The following XKR4 variants were observed in gnomAD, a reference collection of about 807,000 sequenced individuals.
The protein encoded by XKR4 is XK related 4.
In XKR4, 12 loss-of-function variants were observed where a neutral mutation model predicts 53.9. The ratio of observed to expected loss-of-function variants is 0.22; its 90% CI spans 0.14 to 0.36. The LOEUF is 0.36. Among genes scored for constraint, XKR4 ranks in the 10% least tolerant of loss-of-function variants. The probability of loss-of-function intolerance (pLI) is 1.00; values close to 1 mark genes in which losing one functional copy is unlikely to be tolerated. For synonymous variants in XKR4, 354 were observed against 362.4 expected (o/e 0.98, Z 0.26); for missense variants, 799 against 859.5 (o/e 0.93, Z 0.88).
chr8:55,405,182 C>T (rs968142309), intron 2 of XKR4, among the ~76,000 whole-genome samples: 5 of 152,180 alleles, frequency 3.3e-5, no homozygotes, highest in African/African-American at 1.2e-4. Flanking sequence ...CCCTCCCATC[C>T]TCTGTGGAAG....
chr8:55,163,614 G>T (rs1157384212), intron 1 of XKR4, among the ~76,000 whole-genome samples: 1 of 152,134 alleles, frequency 6.6e-6, no homozygotes, highest in Non-Finnish European at 1.5e-5. Context: ...GGGAGGCTGG[G>T]GTGGGCTGAT....
chr8:55,342,323 A>G (rs1803561235), intron 1 of XKR4, among the ~76,000 whole-genome samples: 1 of 152,030 alleles, frequency 6.6e-6, no homozygotes, highest in African/African-American at 2.4e-5. Flanking sequence ...GCAGGTCCTA[A>G]CAACCATCAT....
At position 55,365,845 on chromosome 8, in the gene XKR4, G is replaced by C. The variant is rs116357215; in HGVS notation, c.1006+7968G>C. Among the ~76,000 whole-genome samples the C allele has an allele frequency of 2.8e-3, 420 of 152,308 alleles. 2 individuals are homozygous for C. Among genetic ancestry groups the C allele is most frequent in the African/African-American group, 9.5e-3 (395 of 41,564 alleles). On this transcript the variant is annotated intron_variant, in intron 2 of 2. Transcript: ENST00000327381. Reference sequence around the variant, plus strand: ...GAAGAAGCTCTTATCTGTAGGGCTAGAGGACTGAAGGAAGAGGGCTCAGAC... The same window carrying C: ...GAAGAAGCTCTTATCTGTAGGGCTACAGGACTGAAGGAAGAGGGCTCAGAC...
At chr8:55,206,580 G>GA (rs920433764) in intron 1 of XKR4, among the ~76,000 whole-genome samples, 19 of 151,828 alleles carry the variant, frequency 1.3e-4, no homozygotes, top group Non-Finnish European at 2.4e-4. Context: ...AGCCAGAGAT[G>GA]AAAAAAAATA....
At chr8:55,265,737 T>TG (rs1175418493) in intron 1 of XKR4, among the ~76,000 whole-genome samples, 23 of 151,710 alleles carry the variant, frequency 1.5e-4, no homozygotes, top group African/African-American at 4.4e-4. Flanking sequence ...CCCAGCATTT[T>TG]GGGGGGGTCA....
At chr8:55,309,514 G>C (rs1029909392) in intron 1 of XKR4, among the ~76,000 whole-genome samples, 1 of 152,142 alleles carries the variant, frequency 6.6e-6, no homozygotes, top group Admixed American at 6.6e-5. Context: ...TGGTGTATAC[G>C]TGAACATAAA....
At chr8:55,470,780 C>T (rs1294438239) in intron 2 of XKR4, among the ~76,000 whole-genome samples, 1 of 152,102 alleles carries the variant, frequency 6.6e-6, no homozygotes, top group Admixed American at 6.5e-5. Context: ...CTACTGATCA[C>T]TTTCTATGAT....
At position 55,196,414 on chromosome 8, in the gene XKR4, C is replaced by T. The variant is rs186850493; in HGVS notation, c.806+93120C>T. 2.1e-3 allele frequency among the ~76,000 whole-genome samples: 325 copies of T among 152,194 alleles called. 1 individual carries two copies. Among genetic ancestry groups the T allele is most frequent in the African/African-American group, 7.3e-3 (304 of 41,520 alleles). The stretch of plus-strand genomic sequence containing the variant: ...GTCAGGCTGGTCTTGAACTCCTGGC[C>T]TCAGGTGATCTGCCCGCCTCAGCCT... On this transcript the variant is annotated intron_variant, in intron 1 of 2. Transcript: ENST00000327381.
chr8:55,451,155 T>TCGGGGGC (rs1805435500), intron 2 of XKR4: 1 of 528,180 alleles, frequency 1.9e-6, no homozygotes, highest in Non-Finnish European at 3.4e-6. Flanking sequence ...GAAGCCCGGG[T>TCGGGGGC]CGGGGGCCGG....
In XKR4 at chr8:55,375,957, C is replaced by T. The variant is rs151200888; in HGVS notation, c.1006+18080C>T. Among the ~76,000 whole-genome samples, 64 of 152,278 alleles carry T rather than the reference C, an allele frequency of 4.2e-4. 1 individual carries two copies. In the East Asian group the frequency reaches 0.012, roughly 28 times the overall value. On this transcript the variant is annotated intron_variant, in intron 2 of 2. Coordinates refer to ENST00000327381, the MANE Select transcript of XKR4 (RefSeq NM_052898.2). ...ACGTGTTCTCATTGTTCAGCTCCCA[C>T]TTATAAGTGAGAACATGCGGTGTTT...
chr8:55,450,329 C>T, intron 2 of XKR4: 1 of 724,214 alleles, frequency 1.4e-6, no homozygotes, highest in Non-Finnish European at 2.3e-6. Context: ...GCGCAGAAGT[C>T]CTACACTTTC....
At chr8:55,188,004 CT>C (rs1817400927) in intron 1 of XKR4, among the ~76,000 whole-genome samples, 1 of 151,896 alleles carries the variant, frequency 6.6e-6, no homozygotes, top group Non-Finnish European at 1.5e-5. Flanking sequence ...CCTTTTTTGC[CT>C]TTTCCAATGA....
intron 1 of XKR4, among the ~76,000 whole-genome samples, chr8:55,199,014 A>G (rs1817538931): frequency 6.6e-6 from 1 of 152,224 alleles, no homozygotes. Flanking sequence ...GCTCACGTAT[A>G]AGGAAGTGAT....
At chr8:55,415,905 G>A (rs7011423) in intron 2 of XKR4, among the ~76,000 whole-genome samples, 18,101 of 152,146 alleles carry the variant, frequency 0.12, 2,816 homozygotes, top group African/African-American at 0.36. Context: ...TATGGTATAT[G>A]GATGCCCTCA....
At chr8:55,469,420 T>C (rs1805838418) in intron 2 of XKR4, among the ~76,000 whole-genome samples, 1 of 152,132 alleles carries the variant, frequency 6.6e-6, no homozygotes, top group African/African-American at 2.4e-5. Flanking sequence ...ATTTCCTCAT[T>C]ACACACTATA....
chr8:55,451,703 C>T, intron 2 of XKR4: 5 of 1,357,184 alleles, frequency 3.7e-6, no homozygotes, highest in South Asian at 1.2e-5. Flanking sequence ...CGGTAGATGG[C>T]ATGCATGCGG....
chr8:55,363,881 C>T (rs958253435), intron 2 of XKR4, among the ~76,000 whole-genome samples: 2 of 152,170 alleles, frequency 1.3e-5, no homozygotes, highest in Non-Finnish European at 2.9e-5. Flanking sequence ...CTTGTTTGTG[C>T]ATGATGGTGT....
At chr8:55,295,820 G>A (rs1031719747) in intron 1 of XKR4, among the ~76,000 whole-genome samples, 1 of 151,774 alleles carries the variant, frequency 6.6e-6, no homozygotes, top group Admixed American at 6.6e-5. Flanking sequence ...ATAAATGGGG[G>A]GTAGATTTAC....
intron 2 of XKR4, among the ~76,000 whole-genome samples, chr8:55,380,736 G>A (rs1423363909): frequency 2.0e-5 from 3 of 152,256 alleles, no homozygotes; most frequent in African/African-American, 7.2e-5. Context: ...CACCCTGTGT[G>A]TTTCTAGGAC....
Sources: gnomAD v4.1 joint callset for allele counts (sites outside exome capture counted in the v4.1 genomes callset) on GRCh38, gnomAD v4.1.1 for gene constraint, MANE v1.5 for transcripts, NCBI Gene and HGNC (gene_info 2026-07-23, HGNC 2026-07-21) for gene names.